GLIS3: variants seen among roughly 807,000 people sequenced by gnomAD.
The protein encoded by GLIS3 is GLIS family zinc finger 3.
Under a neutral mutation model 78.6 loss-of-function variants are expected in GLIS3, and 53 were observed. That is an observed-to-expected ratio of 0.67 (90% CI 0.54 to 0.85). GLIS3 has a LOEUF of 0.85. Among genes scored for constraint, GLIS3 ranks in the 40% least tolerant of loss-of-function variants. The pLI is 0.00. For missense variants in GLIS3, 1,703 were observed against 1,231.1 expected, an observed-to-expected ratio of 1.38 and a Z score of -5.74; for synonymous variants, 684 against 509.9, an observed-to-expected ratio of 1.34 and a Z score of -4.60.
rs903285139 is a variant in GLIS3, at chr9:4,341,026, A to C, written n.264+6055T>G. Reference sequence around the variant, plus strand: ...CAAACACCCACAACTGGCATCTGACATCCTTGAATAGCCTCTGGACTGCAA... The same window carrying C: ...CAAACACCCACAACTGGCATCTGACCTCCTTGAATAGCCTCTGGACTGCAA... On this transcript the variant is annotated intron_variant and non_coding_transcript_variant, in intron 2 of 4. Coordinates refer to the GLIS3 transcript ENST00000471664. Among the ~76,000 whole-genome samples, 4 of 152,328 alleles carry C rather than the reference A, an allele frequency of 2.6e-5. No homozygotes were observed. The Middle Eastern group carries it at 0.01, about 389-fold the overall frequency.
chr9:4,145,489 A>G (rs1341393183), intron 2 of GLIS3, among the ~76,000 whole-genome samples: 1 of 152,186 alleles, frequency 6.6e-6, no homozygotes, highest in Non-Finnish European at 1.5e-5. Context: ...AACATGATCT[A>G]AAACCAAAAA....
At chr9:4,380,139 G>A in the GLIS3 span, among the ~76,000 whole-genome samples, 1 of 152,318 alleles carries the variant, frequency 6.6e-6, no homozygotes, top group South Asian at 2.1e-4. Flanking sequence ...AGGCATCTTG[G>A]CTGTATACAG....
At chr9:4,030,937 A>T (rs1588491313) in intron 4 of GLIS3, among the ~76,000 whole-genome samples, 1 of 152,236 alleles carries the variant, frequency 6.6e-6, no homozygotes, top group Non-Finnish European at 1.5e-5. Flanking sequence ...GGAAAATCCA[A>T]ATCAAAGCCA....
chr9:4,303,660 C>A (rs1428302322), upstream of GLIS3, among the ~76,000 whole-genome samples: 8 of 151,706 alleles, frequency 5.3e-5, no homozygotes, highest in South Asian at 1.5e-3. Context: ...CCAAATGCAA[C>A]TGACCAAAAT....
chr9:4,290,754 T>C (rs1325367875), intron 1 of GLIS3, among the ~76,000 whole-genome samples: 2 of 152,132 alleles, frequency 1.3e-5, no homozygotes, highest in African/African-American at 2.4e-5. Flanking sequence ...TTGGCAACAA[T>C]ATAAACACAG....
At chr9:4,368,609 C>T in the GLIS3 span, among the ~76,000 whole-genome samples, 2 of 152,184 alleles carry the variant, frequency 1.3e-5, no homozygotes, top group Admixed American at 6.5e-5. Flanking sequence ...CCTCGGCCTC[C>T]CAAAGTGCTG....
chr9:4,294,435 G>A (rs1587342537), intron 1 of GLIS3, among the ~76,000 whole-genome samples: 1 of 152,262 alleles, frequency 6.6e-6, no homozygotes, highest in East Asian at 1.9e-4. Context: ...CTTGAACCCA[G>A]GAGGGGGAGG....
intron 9 of GLIS3, among the ~76,000 whole-genome samples, chr9:3,853,526 A>G (rs749254733): frequency 1.3e-5 from 2 of 152,220 alleles, no homozygotes; most frequent in African/African-American, 2.4e-5. Flanking sequence ...GAATAGAAGG[A>G]AAAGCATTAA....
At chr9:4,207,986 A>C (rs1265037242) in intron 2 of GLIS3, among the ~76,000 whole-genome samples, 1 of 152,318 alleles carries the variant, frequency 6.6e-6, no homozygotes, top group East Asian at 1.9e-4. Flanking sequence ...GGTGTGCTTT[A>C]AACAGCACAG....
At chr9:4,363,869 C>T in the GLIS3 span, among the ~76,000 whole-genome samples, 58,512 of 152,006 alleles carry the variant, frequency 0.38, 11,462 homozygotes, top group Middle Eastern at 0.48. Context: ...TGAGCTGGGT[C>T]ACAACTTCTT....
intron 4 of GLIS3, among the ~76,000 whole-genome samples, chr9:4,107,116 T>C (rs1030435443): frequency 6.6e-6 from 1 of 152,162 alleles, no homozygotes; most frequent in Non-Finnish European, 1.5e-5. Flanking sequence ...TTAAAGCTCT[T>C]TGATGAGACC....
At chr9:4,262,550 G>A (rs754805424) in intron 2 of GLIS3, among the ~76,000 whole-genome samples, 4 of 152,086 alleles carry the variant, frequency 2.6e-5, no homozygotes, top group Non-Finnish European at 4.4e-5. Context: ...GAGTTAAATA[G>A]GTAGATCCAA....
At chr9:4,038,672 CTGGCCCTTTGGTAAGTGACATAGTT>C in intron 4 of GLIS3, among the ~76,000 whole-genome samples, 1 of 152,332 alleles carries the variant, frequency 6.6e-6, no homozygotes, top group East Asian at 1.9e-4. Flanking sequence ...AAGATGATGA[CTGGCCCTTTGGTAAGTGACATAGTT>C]TGGCCACACG....
intron 2 of GLIS3, among the ~76,000 whole-genome samples, chr9:4,284,398 C>A (rs1827806446): frequency 6.6e-6 from 1 of 152,132 alleles, no homozygotes. Context: ...CGCTAAAAGG[C>A]TTTATCGGGC....
At chr9:4,038,984 T>C (rs1276174859) in intron 4 of GLIS3, among the ~76,000 whole-genome samples, 3 of 152,282 alleles carry the variant, frequency 2.0e-5, no homozygotes, top group East Asian at 1.9e-4. Flanking sequence ...CTATGAACCG[T>C]TGGGTAAAGC....
intron 2 of GLIS3, among the ~76,000 whole-genome samples, chr9:4,257,682 C>T (rs7854267): frequency 0.82 from 123,530 of 151,138 alleles, 50,933 homozygotes; most frequent in East Asian, 0.98. Flanking sequence ...CAGGCCATTC[C>T]CCTGCCTCAG....
chr9:4,283,950 C>A (rs1321453437), intron 2 of GLIS3, among the ~76,000 whole-genome samples: 2 of 152,204 alleles, frequency 1.3e-5, no homozygotes, highest in African/African-American at 4.8e-5. Flanking sequence ...AGCTAGGAAG[C>A]TGAGCAAGGA....
In GLIS3 at chr9:4,180,160, G is replaced by C. The variant is rs1028666855; in HGVS notation, c.389-54219C>G. ...GATAGAGGTCCTAGGATAGAGAACA[G>C]AATGAGGGTTTCAGGCGGTCCATGC... On this transcript the variant is annotated intron_variant, in intron 2 of 10. Transcript: ENST00000381971. 3.3e-5 allele frequency among the ~76,000 whole-genome samples: 5 copies of C among 152,114 alleles called. No homozygotes were observed. In the South Asian group the frequency reaches 6.2e-4, roughly 19 times the overall value.
chr9:4,330,805 G>C (rs1417038857), intron 2 of GLIS3, among the ~76,000 whole-genome samples: 2 of 152,122 alleles, frequency 1.3e-5, no homozygotes, highest in African/African-American at 4.8e-5. Flanking sequence ...AAATGCAATC[G>C]ATGCTGAGAG....
Sources: gnomAD v4.1 joint callset for allele counts (sites outside exome capture counted in the v4.1 genomes callset) on GRCh38, gnomAD v4.1.1 for gene constraint, MANE v1.5 for transcripts, NCBI Gene and HGNC (gene_info 2026-07-23, HGNC 2026-07-21) for gene names.